LRP2: variants seen among roughly 807,000 people sequenced by gnomAD.
LRP2 encodes the protein LDL receptor related protein 2, also known as low-density lipoprotein receptor-related protein 2.
In LRP2, 172 loss-of-function variants were observed where a neutral mutation model predicts 531.0. The ratio of observed to expected loss-of-function variants is 0.32; its 90% CI spans 0.29 to 0.37. The LOEUF is 0.37. LRP2 is among the 10% of genes least tolerant of loss of function. The pLI is 1.00. For synonymous variants in LRP2, 1,992 were observed against 2,027.6 expected (o/e 0.98, Z 0.47); for missense variants, 5,167 against 5,868.3 (o/e 0.88, Z 3.90).
At chr2:169,238,339 T>C (rs761312266) in intron 26 of LRP2, 37 bp from the exon 27 acceptor site, 3 of 1,384,864 alleles carry the variant, frequency 2.2e-6, no homozygotes, top group East Asian at 4.6e-5. Context: ...TCAATGATAC[T>C]GGGAGAAAAC....
chr2:169,175,314 C>A lies in LRP2; in HGVS notation c.10647G>T (p.Pro3549=). Residue 3549 remains proline (P), a synonymous_variant, in exon 55 of 79, where the codon CCG becomes CCT. Transcript: ENST00000649046. ...SDGSDELALC[P]QRFCRLGQFQ... The stretch of plus-strand genomic sequence containing the variant: ...ACTGTCCCAGTCGGCAGAAGCGCTG[C>A]GGGCAAAGGGCCAGTTCATCAGAGC... 1.2e-6 allele frequency: 2 copies of A among 1,614,154 alleles called. No individual in the cohort carries two copies. Among genetic ancestry groups the A allele is most frequent in the Non-Finnish European group, 1.7e-6 (2 of 1,180,024 alleles).
rs140003209 is a variant in LRP2 at position 169,157,352 on chromosome 2, T to A, written c.12019+19A>T. On this transcript the variant is annotated intron_variant, in intron 64 of 78. Transcript: ENST00000649046. Reference sequence around the variant, plus strand: ...ATGTAAAGTTCACCTAAACAGGAATTGGAAAAAATATACTCTACCTAGACA... The same window carrying A: ...ATGTAAAGTTCACCTAAACAGGAATAGGAAAAAATATACTCTACCTAGACA... The A allele has an allele frequency of 4.2e-4, 671 of 1,612,236 alleles. 4 individuals are homozygous for A. In the African/African-American group the frequency reaches 7.9e-3, roughly 19 times the overall value.
At chr2:169,313,048 C>T (rs1684659683) in intron 3 of LRP2, among the ~76,000 whole-genome samples, 1 of 152,192 alleles carries the variant, frequency 6.6e-6, no homozygotes, top group African/African-American at 2.4e-5. Context: ...TGGTTTTCAG[C>T]TCCATCAGGT....
Position 169,213,992 on chromosome 2 carries a change from ATTT to A in LRP2, c.5827-125_5827-123del, listed in dbSNP as rs952134428. ...ATACAGCCCTCTATCCCTTACAGAG[ATTT>A]TTCACTTCTATTTTCTGATTTGATC... On this transcript the variant is annotated intron_variant, in intron 35 of 78. Coordinates refer to ENST00000649046, the MANE Select transcript of LRP2 (RefSeq NM_004525.3). 5 of 720,900 alleles carry A rather than the reference ATTT, an allele frequency of 6.9e-6. No homozygotes were observed. In the African/African-American group the frequency reaches 8.9e-5, roughly 13 times the overall value. 44.7% of individuals were successfully genotyped at this position (720,900 alleles called of 1,614,324 possible). A position where few individuals can be genotyped will look rare whatever the true frequency, so the allele number is the denominator to read the frequency against.
intron 16 of LRP2, 48 bp downstream of exon 16, chr2:169,270,856 A>T (rs769157499): frequency 1.4e-6 from 2 of 1,424,356 alleles, no homozygotes; most frequent in Non-Finnish European, 2.0e-6. Context: ...TACAATAAAC[A>T]GGCAAAACAC....
At chr2:169,334,982 T>C (rs1685365290) in intron 1 of LRP2, among the ~76,000 whole-genome samples, 1 of 152,148 alleles carries the variant, frequency 6.6e-6, no homozygotes, top group Non-Finnish European at 1.5e-5. Flanking sequence ...GAGAGAAAAC[T>C]TTCAAAATCT....
intron 77 of LRP2, among the ~76,000 whole-genome samples, chr2:169,132,022 G>T (rs1370494647): frequency 1.3e-5 from 2 of 152,130 alleles, no homozygotes; most frequent in Non-Finnish European, 1.5e-5. Flanking sequence ...TCAATCTCCA[G>T]TATTAAACAC....
chr2:169,219,885 A>G (rs907457605), intron 34 of LRP2, among the ~76,000 whole-genome samples: 2 of 152,192 alleles, frequency 1.3e-5, no homozygotes, highest in South Asian at 4.1e-4. Context: ...TTAGCATGAT[A>G]TTAAAGGCCC....
chr2:169,278,076 AC>A, intron 12 of LRP2, 125 bp from the exon 13 acceptor site: 1 of 761,534 alleles, frequency 1.3e-6, no homozygotes, highest in Non-Finnish European at 2.2e-6. Context: ...ACAGTATAAA[AC>A]AACAGGGAAA....
In LRP2 at chr2:169,237,199, G is replaced by T. The variant is rs751946449; in HGVS notation, c.4595C>A (p.Thr1532Lys). 1.2e-6 allele frequency: 2 copies of T among 1,613,804 alleles called. No homozygotes were observed. Among genetic ancestry groups the T allele is most frequent in the Non-Finnish European group, 1.7e-6 (2 of 1,179,770 alleles). ...CCCATCAATTTTGGAGACTTCAATT[G>T]TTTCCAGAGCATAGTCTGTCCAGTA... is the stretch of plus-strand genomic sequence containing the variant. ...NLYWTDYALE[T>K]IEVSKIDGSH... is the part of the protein sequence containing the mutation. Residue 1532 changes from threonine (T) to lysine (K), a missense_variant, in exon 28 of 79, where the codon ACA becomes AAA. Around this residue, in one of 6 missense-constraint regions of LRP2, gnomAD observed 2,811 missense variants for 3,058.0 expected, o/e 0.92. Coordinates refer to ENST00000649046, the MANE Select transcript of LRP2 (RefSeq NM_004525.3).
rs147477438 is a variant in LRP2 at position 169,331,186 on chromosome 2, G to A, written c.80-10302C>T. Among the ~76,000 whole-genome samples the A allele has an allele frequency of 6.7e-4, 102 of 152,280 alleles. 2 individuals carry two copies. The highest frequency in any genetic ancestry group is 6.4e-3 in the East Asian group (33 of 5,184). On this transcript the variant is annotated intron_variant, in intron 1 of 78. Coordinates refer to ENST00000649046, the MANE Select transcript of LRP2 (RefSeq NM_004525.3). Reference sequence around the variant, plus strand: ...TAAAGGATTGTGGCTATGAAAAACAGTCATAAGCACCTCTGCGTTGTGGTG... The same window carrying A: ...TAAAGGATTGTGGCTATGAAAAACAATCATAAGCACCTCTGCGTTGTGGTG...
chr2:169,176,199 T>C (rs1687187386), intron 54 of LRP2, among the ~76,000 whole-genome samples: 1 of 152,232 alleles, frequency 6.6e-6, no homozygotes, highest in African/African-American at 2.4e-5. Context: ...AGTTTGCATA[T>C]ATAGGCATAA....
chr2:169,280,056 C>T (rs1358533559), intron 11 of LRP2, among the ~76,000 whole-genome samples: 2 of 152,318 alleles, frequency 1.3e-5, no homozygotes, highest in East Asian at 3.9e-4. Context: ...AAAATTACTA[C>T]CAAATATCTA....
intron 35 of LRP2, among the ~76,000 whole-genome samples, chr2:169,215,079 C>T (rs1688729854): frequency 6.6e-6 from 1 of 152,214 alleles, no homozygotes; most frequent in Non-Finnish European, 1.5e-5. Context: ...GTAACAAGAG[C>T]TTCCTCGTCA....
chr2:169,169,668 G>A (rs1392755028), intron 60 of LRP2, 34 bp downstream of exon 60: 1 of 1,503,456 alleles, frequency 6.7e-7, no homozygotes. Flanking sequence ...ATGCTCTCAG[G>A]TAAGCAGTAC....
At chr2:169,173,328 A>ATT in intron 56 of LRP2, 104 bp from the exon 57 acceptor site, 1 of 1,380,012 alleles carries the variant, frequency 7.2e-7, no homozygotes, top group Non-Finnish European at 1.0e-6. Context: ...TGACCATGTT[A>ATT]CCAAGCAAAC....
At chr2:169,330,637 C>A (rs975379735) in intron 1 of LRP2, among the ~76,000 whole-genome samples, 1 of 152,188 alleles carries the variant, frequency 6.6e-6, no homozygotes, top group Admixed American at 6.5e-5. Context: ...TCTTGCAGAA[C>A]TGTCCTGGTC....
intron 1 of LRP2, among the ~76,000 whole-genome samples, chr2:169,334,425 T>C (rs1424906518): frequency 6.6e-6 from 1 of 152,194 alleles, no homozygotes; most frequent in Admixed American, 6.5e-5. Flanking sequence ...GAGTTTTCAG[T>C]GGCCATCTCA....
chr2:169,295,296 G>A (rs1418990786), intron 4 of LRP2, among the ~76,000 whole-genome samples: 1 of 152,144 alleles, frequency 6.6e-6, no homozygotes, highest in East Asian at 1.9e-4. Context: ...CTGCACATTT[G>A]GATAACCTAC....
Sources: allele counts gnomAD v4.1 joint callset (sites outside exome capture counted in the v4.1 genomes callset), GRCh38; gene constraint gnomAD v4.1.1; regional missense constraint gnomAD v4.1.1; transcripts MANE v1.5; gene names NCBI Gene and HGNC (gene_info 2026-07-23, HGNC 2026-07-21).